Variants in CAMKK2 observed in about 807,000 individuals in gnomAD.
CAMKK2 encodes calcium/calmodulin-dependent protein kinase kinase 2.
CAMKK2 carries 30 observed loss-of-function variants against 67.2 expected under a neutral mutation model. That is an observed-to-expected ratio of 0.45 (90% CI 0.33 to 0.61). The LOEUF (loss-of-function observed/expected upper bound fraction) is 0.61. Among genes scored for constraint, CAMKK2 ranks in the 20% least tolerant of loss-of-function variants. The pLI is 0.02. For synonymous variants in CAMKK2, 322 were observed against 326.2 expected, an observed-to-expected ratio of 0.99 and a Z score of 0.14; for missense variants, 643 against 802.0, an observed-to-expected ratio of 0.80 and a Z score of 2.39.
intron 7 of CAMKK2, among the ~76,000 whole-genome samples, chr12:121,259,068 C>T (rs540081934): frequency 1.3e-5 from 2 of 152,168 alleles, no homozygotes; most frequent in East Asian, 3.9e-4. Context: ...GTCTCAAACT[C>T]CTGAGCTCAG....
chr12:121,265,766 G>A (rs1047569542), intron 5 of CAMKK2, among the ~76,000 whole-genome samples: 13 of 151,768 alleles, frequency 8.6e-5, no homozygotes, highest in Admixed American at 6.6e-5. Flanking sequence ...CCTGAGGCAG[G>A]AGAATTGCCT....
intron 1 of CAMKK2, among the ~76,000 whole-genome samples, chr12:121,290,883 G>A (rs1220232103): frequency 6.6e-6 from 1 of 152,066 alleles, no homozygotes; most frequent in African/African-American, 2.4e-5. Flanking sequence ...CAGTCACACT[G>A]ACCTCGGCTC....
chr12:121,272,256 T>TA (rs1895929465), intron 2 of CAMKK2, among the ~76,000 whole-genome samples: 1 of 152,152 alleles, frequency 6.6e-6, no homozygotes, highest in Admixed American at 6.5e-5. Context: ...GTTGTAATAA[T>TA]AAAAAATTGG....
Position 121,253,145 on chromosome 12 carries a change from C to G in CAMKK2, c.1107+128G>C. On this transcript the variant is annotated intron_variant, in intron 10 of 16. Coordinates refer to ENST00000404169, the MANE Select transcript of CAMKK2 (RefSeq NM_001270485.2). The surrounding 1 kb of genome is among the most constrained non-coding windows in gnomAD (Gnocchi z 5.0). ...TCCCTGGATCTAGCCAAGCCTGAAG[C>G]CTACCCCTCAGTATCTTGATCCAGG... is the stretch of plus-strand genomic sequence containing the variant. 1 of 773,806 alleles carries G rather than the reference C, an allele frequency of 1.3e-6. No individual in the cohort carries two copies. The highest frequency in any genetic ancestry group is 2.2e-6 in the Non-Finnish European group (1 of 463,042). The allele number at this position is 773,806 out of a possible 1,614,324, so 47.9% of individuals were successfully genotyped here.
chr12:121,244,382 C>T (rs1051792253), intron 16 of CAMKK2, among the ~76,000 whole-genome samples, 191 bp downstream of exon 16: 1 of 152,230 alleles, frequency 6.6e-6, no homozygotes, highest in Admixed American at 6.5e-5. Context: ...CATGCATGAC[C>T]CACCATTGGG....
rs553344448 is a variant in CAMKK2 at position 121,248,863 on chromosome 12, T to A, written c.1324-129A>T. On this transcript the variant is annotated intron_variant, in intron 13 of 16. Coordinates refer to ENST00000404169, the MANE Select transcript of CAMKK2 (RefSeq NM_001270485.2). ...CCTGTGGTCAGGCATGCAAAACAGC[T>A]GGCGAGCAGAGGGCAGGGGTGAGCA... is the stretch of plus-strand genomic sequence containing the variant. 52 of 1,078,470 alleles carry A rather than the reference T, an allele frequency of 4.8e-5. No individual in the cohort carries two copies. In the Admixed American group the frequency reaches 8.8e-4, roughly 18 times the overall value. 66.8% of individuals were successfully genotyped at this position (1,078,470 alleles called of 1,614,324 possible). A position where few individuals can be genotyped will look rare whatever the true frequency, so the allele number is the denominator to read the frequency against.
chr12:121,244,127 G>C, intron 16 of CAMKK2: 1 of 1,611,688 alleles, frequency 6.2e-7, no homozygotes, highest in Non-Finnish European at 8.5e-7. Flanking sequence ...TTATTTTCTA[G>C]GTCTAAACAC....
intron 6 of CAMKK2, among the ~76,000 whole-genome samples, chr12:121,260,883 G>A (rs1337628299): frequency 6.6e-6 from 1 of 151,102 alleles, no homozygotes; most frequent in African/African-American, 2.4e-5. Context: ...AACCTGGGAG[G>A]CAGAGGTTGC....
intron 1 of CAMKK2, among the ~76,000 whole-genome samples, chr12:121,276,901 G>GA (rs1896923248): frequency 1.9e-5 from 2 of 102,608 alleles, no homozygotes; most frequent in Non-Finnish European, 3.7e-5. Flanking sequence ...AAAGGGCGGG[G>GA]TGGGGGGGGG....
chr12:121,295,119 A>C (rs866096879), intron 1 of CAMKK2, among the ~76,000 whole-genome samples: 6 of 152,308 alleles, frequency 3.9e-5, no homozygotes, highest in African/African-American at 1.4e-4. Flanking sequence ...GCAGTGAGCC[A>C]AGATTGTGCC....
At chr12:121,270,048 CA>C (rs35521034) in intron 3 of CAMKK2, among the ~76,000 whole-genome samples, 2 of 147,064 alleles carry the variant, frequency 1.4e-5, no homozygotes, top group African/African-American at 2.5e-5. Flanking sequence ...AATTCAGTCT[CA>C]AAAAAAAACA....
chr12:121,240,669 C>T lies in CAMKK2; in HGVS notation c.*30G>A, dbSNP rs1335147265. 2.1e-5 allele frequency: 33 copies of T among 1,563,148 alleles called. No homozygotes were observed. The highest frequency in any genetic ancestry group is 2.6e-5 in the Non-Finnish European group (30 of 1,159,812). Reference sequence around the variant, plus strand: ...CAGCAGCCCCCCAGAGGCGACGCGGCGCGCATGCGAGGTCGAGCGATCCAG... The same window carrying T: ...CAGCAGCCCCCCAGAGGCGACGCGGTGCGCATGCGAGGTCGAGCGATCCAG... On this transcript the variant is annotated 3_prime_UTR_variant, in exon 17 of 17. Coordinates refer to ENST00000404169, the MANE Select transcript of CAMKK2 (RefSeq NM_001270485.2). This position sits in a 1 kb window ranked among gnomAD's most constrained non-coding sequence, Gnocchi z 4.4.
chr12:121,291,123 A>G (rs1343704336), intron 1 of CAMKK2, among the ~76,000 whole-genome samples: 1 of 152,216 alleles, frequency 6.6e-6, no homozygotes, highest in African/African-American at 2.4e-5. Context: ...CCTGGCCAGC[A>G]ATGGGTTTAA....
intron 6 of CAMKK2, among the ~76,000 whole-genome samples, chr12:121,261,521 A>G (rs768332492): frequency 6.6e-6 from 1 of 152,162 alleles, no homozygotes; most frequent in Non-Finnish European, 1.5e-5. Context: ...CCAGTCACCC[A>G]AGATCAATAA....
intron 2 of CAMKK2, among the ~76,000 whole-genome samples, chr12:121,272,701 T>TAAA (rs11292057): frequency 1.7e-5 from 2 of 117,466 alleles, no homozygotes; most frequent in African/African-American, 3.3e-5. Context: ...CATCTCTACT[T>TAAA]AAAAAAAAAA....
intron 10 of CAMKK2, 146 bp from the exon 11 acceptor site, chr12:121,252,860 C>G (rs906611503): frequency 8.0e-6 from 6 of 753,050 alleles, no homozygotes; most frequent in Non-Finnish European, 8.9e-6. Flanking sequence ...GGGGCAGGCA[C>G]AGGATCCAGG....
At chr12:121,251,070 T>C (rs2136204902) in intron 11 of CAMKK2, among the ~76,000 whole-genome samples, 1 of 152,302 alleles carries the variant, frequency 6.6e-6, no homozygotes, top group Admixed American at 6.5e-5. Context: ...AAGGAATCCT[T>C]ACACGGGACA....
chr12:121,245,607 C>A lies in CAMKK2; in HGVS notation c.1453-367G>T, dbSNP rs1462657000. Among the ~76,000 whole-genome samples the A allele has an allele frequency of 6.6e-6, 1 of 152,158 alleles. No individual in the cohort carries two copies. Among genetic ancestry groups the A allele is most frequent in the East Asian group, 1.9e-4 (1 of 5,184 alleles). ...CTTGGCCTGTGGTCAGCCAGAGAGCCCCGGAAAGTTCTGGAGCAAGGACGT... is the reference window on the plus strand; with the variant it reads ...CTTGGCCTGTGGTCAGCCAGAGAGCACCGGAAAGTTCTGGAGCAAGGACGT... On this transcript the variant is annotated intron_variant, in intron 14 of 16. Transcript: ENST00000404169. This position sits in a 1 kb window ranked among gnomAD's most constrained non-coding sequence, Gnocchi z 5.8.
chr12:121,281,735 G>C (rs1027484893), intron 1 of CAMKK2, among the ~76,000 whole-genome samples: 2 of 152,206 alleles, frequency 1.3e-5, no homozygotes, highest in South Asian at 4.1e-4. Flanking sequence ...ATCACCTGAG[G>C]TCAGGAGTTC....
Sources: allele counts gnomAD v4.1 joint callset (sites outside exome capture counted in the v4.1 genomes callset), GRCh38; gene constraint gnomAD v4.1.1; non-coding constraint Gnocchi (gnomAD v3.1); transcripts MANE v1.5; gene names NCBI Gene and HGNC (gene_info 2026-07-23, HGNC 2026-07-21).